Variants in TMEM117 observed in about 807,000 individuals in gnomAD.
The protein encoded by TMEM117 is transmembrane protein 117.
TMEM117 carries 27 observed loss-of-function variants against 52.4 expected under a neutral mutation model. The observed-to-expected ratio is 0.51, with a 90% CI of 0.38 to 0.71. The LOEUF (loss-of-function observed/expected upper bound fraction) is 0.71, where lower values mean the gene tolerates loss of function less well. TMEM117 is among the 30% of genes least tolerant of loss of function. TMEM117 has a pLI of 0.00. For synonymous variants in TMEM117, 215 were observed against 206.3 expected (o/e 1.04, Z -0.36); for missense variants, 556 against 630.5 (o/e 0.88, Z 1.26).
At chr12:44,097,479 C>T (rs377292551) in intron 3 of TMEM117, among the ~76,000 whole-genome samples, 5 of 151,372 alleles carry the variant, frequency 3.3e-5, no homozygotes, top group Admixed American at 6.6e-5. Flanking sequence ...TGTCCAACAA[C>T]GATAGACTGG....
chr12:43,870,412 G>A (rs1675777), intron 2 of TMEM117, among the ~76,000 whole-genome samples: 109,832 of 151,544 alleles, frequency 0.72, 43,092 homozygotes, highest in East Asian at 0.93. Context: ...GGCATGCACC[G>A]CCACACCCAG....
intron 4 of TMEM117, among the ~76,000 whole-genome samples, chr12:44,184,544 G>A (rs2138324134): frequency 6.6e-6 from 1 of 152,202 alleles, no homozygotes; most frequent in East Asian, 1.9e-4. Flanking sequence ...GACGTGCCTT[G>A]AAGATGGTAG....
intron 5 of TMEM117, among the ~76,000 whole-genome samples, chr12:44,247,563 TTCTTTG>T (rs1950145918): frequency 6.6e-6 from 1 of 150,802 alleles, no homozygotes; most frequent in African/African-American, 2.5e-5. Context: ...CATTTATCCT[TTCTTTG>T]TGGTGACAAC....
the TMEM117 span, among the ~76,000 whole-genome samples, chr12:43,821,702 A>G: frequency 2.0e-5 from 3 of 152,220 alleles, no homozygotes; most frequent in East Asian, 1.9e-4. Context: ...CCAGGATGAT[A>G]CAAATCAGCA....
intron 4 of TMEM117, among the ~76,000 whole-genome samples, chr12:44,177,034 AACT>A (rs1020047559): frequency 2.0e-5 from 3 of 152,132 alleles, no homozygotes; most frequent in African/African-American, 7.2e-5. Flanking sequence ...CATATTGATA[AACT>A]ACTGTCCCAG....
At chr12:43,965,156 G>A (rs1480689594) in intron 3 of TMEM117, among the ~76,000 whole-genome samples, 1 of 152,188 alleles carries the variant, frequency 6.6e-6, no homozygotes, top group Non-Finnish European at 1.5e-5. Flanking sequence ...AGAGACATAC[G>A]CATTCAAGTC....
intron 5 of TMEM117, among the ~76,000 whole-genome samples, chr12:44,252,624 C>T (rs1950209239): frequency 6.6e-6 from 1 of 152,204 alleles, no homozygotes; most frequent in South Asian, 2.1e-4. Context: ...TTCATTTGCA[C>T]ATCCCTTGGT....
chr12:44,121,744 G>A (rs1291455785), intron 3 of TMEM117, among the ~76,000 whole-genome samples: 1 of 152,094 alleles, frequency 6.6e-6, no homozygotes, highest in Non-Finnish European at 1.5e-5. Flanking sequence ...ACATGTGCAG[G>A]TTTGTTGTAT....
At chr12:44,122,641 C>G (rs1948256511) in intron 3 of TMEM117, among the ~76,000 whole-genome samples, 1 of 152,180 alleles carries the variant, frequency 6.6e-6, no homozygotes, top group African/African-American at 2.4e-5. Context: ...TCAGCTCCCA[C>G]TTAATAAGTG....
intron 3 of TMEM117, among the ~76,000 whole-genome samples, chr12:43,981,098 T>C (rs1160289122): frequency 2.6e-5 from 4 of 152,172 alleles, no homozygotes; most frequent in African/African-American, 9.7e-5. Flanking sequence ...CTTCCCGGCC[T>C]TCCAAGAAAG....
chr12:44,122,046 T>C (rs1012630575), intron 3 of TMEM117, among the ~76,000 whole-genome samples: 24 of 140,046 alleles, frequency 1.7e-4, no homozygotes, highest in Non-Finnish European at 2.4e-4. Context: ...TTCTTTTCTT[T>C]TCTTTTTTTT....
At chr12:44,123,661 C>T (rs1341981953) in intron 3 of TMEM117, among the ~76,000 whole-genome samples, 1 of 152,136 alleles carries the variant, frequency 6.6e-6, no homozygotes, top group Non-Finnish European at 1.5e-5. Flanking sequence ...ATAGGGAATC[C>T]TTTCTCCATT....
intron 3 of TMEM117, among the ~76,000 whole-genome samples, chr12:44,007,958 C>T (rs577660544): frequency 6.6e-6 from 1 of 152,226 alleles, no homozygotes; most frequent in African/African-American, 2.4e-5. Flanking sequence ...TCGGTTATGT[C>T]TCTATCACCA....
intron 5 of TMEM117, among the ~76,000 whole-genome samples, chr12:44,273,228 G>A (rs1304061022): frequency 6.6e-6 from 1 of 151,712 alleles, no homozygotes; most frequent in African/African-American, 2.4e-5. Context: ...TTGTGGGGTG[G>A]AGGTGGGGGG....
rs374906206 is a variant in TMEM117, at chr12:44,061,698, A to G, written c.411-81827A>G. 4.6e-5 allele frequency among the ~76,000 whole-genome samples: 7 copies of G among 152,308 alleles called. No individual in the cohort carries two copies. The East Asian group carries it at 1.2e-3, about 25-fold the overall frequency. ...AGATTTATATCAATGTTAGTGAAGT[A>G]CTAAAACAGTCATTCCATATGGAGG... On this transcript the variant is annotated intron_variant, in intron 3 of 7. Coordinates refer to ENST00000266534, the MANE Select transcript of TMEM117 (RefSeq NM_032256.3).
chr12:43,905,032 AC>A (rs200062240), intron 2 of TMEM117, among the ~76,000 whole-genome samples: 2,075 of 152,206 alleles, frequency 0.014, 35 homozygotes, highest in African/African-American at 0.048. Flanking sequence ...AATTCCAGCT[AC>A]TTGGGAGGCT....
chr12:44,087,079 T>G (rs1947583669), intron 3 of TMEM117, among the ~76,000 whole-genome samples: 1 of 150,150 alleles, frequency 6.7e-6, no homozygotes, highest in Non-Finnish European at 1.5e-5. Flanking sequence ...AAGAGTATGA[T>G]GCCTTTTTTC....
chr12:44,188,804 C>G (rs1949313177), intron 4 of TMEM117, among the ~76,000 whole-genome samples: 1 of 151,968 alleles, frequency 6.6e-6, no homozygotes, highest in Non-Finnish European at 1.5e-5. Context: ...TATTATGGAA[C>G]TTATTTATTG....
At chr12:43,866,481 AG>A (rs1031553025) in intron 2 of TMEM117, among the ~76,000 whole-genome samples, 3 of 151,702 alleles carry the variant, frequency 2.0e-5, no homozygotes, top group African/African-American at 7.3e-5. Flanking sequence ...AGACTGAGGC[AG>A]GAAGATTACC....
Sources: allele counts gnomAD v4.1 joint callset (sites outside exome capture counted in the v4.1 genomes callset), GRCh38; gene constraint gnomAD v4.1.1; transcripts MANE v1.5; gene names NCBI Gene and HGNC (gene_info 2026-07-23, HGNC 2026-07-21).